Variants in EPHA6 observed in about 807,000 individuals in gnomAD.
EPHA6 encodes the protein ephrin type-A receptor 6.
EPHA6 carries 50 observed loss-of-function variants against 112.0 expected under a neutral mutation model. The ratio of observed to expected loss-of-function variants is 0.45; its 90% CI spans 0.36 to 0.56. The LOEUF (loss-of-function observed/expected upper bound fraction) is 0.56. Among genes scored for constraint, EPHA6 ranks in the 20% least tolerant of loss-of-function variants. The probability of loss-of-function intolerance (pLI) is 0.00; values close to 1 mark genes in which losing one functional copy is unlikely to be tolerated. For synonymous variants in EPHA6, 529 were observed against 490.7 expected (o/e 1.08, Z -1.03); for missense variants, 1,280 against 1,417.4 (o/e 0.90, Z 1.56).
At chr3:97,202,367 G>A (rs1249629508) in intron 3 of EPHA6, among the ~76,000 whole-genome samples, 1 of 137,268 alleles carries the variant, frequency 7.3e-6, no homozygotes, top group African/African-American at 2.8e-5. Flanking sequence ...TTTTTTTTTT[G>A]AGAGATGGAG....
At chr3:97,014,028 G>T (rs953405783) in intron 3 of EPHA6, among the ~76,000 whole-genome samples, 8 of 151,982 alleles carry the variant, frequency 5.3e-5, no homozygotes, top group Admixed American at 3.3e-4. Context: ...ATGCTGAATG[G>T]TGAATATTTT....
Position 97,604,995 on chromosome 3 carries a change from T to C in EPHA6, c.2513-5798T>C, listed in dbSNP as rs978461638. On this transcript the variant is annotated intron_variant, in intron 12 of 17. Transcript: ENST00000389672. Reference sequence around the variant, plus strand: ...TGACCTTATAGAGAAGAATTGGGCATTTAGTCCTGAGGTCAAAGCCACTTT... The same window carrying C: ...TGACCTTATAGAGAAGAATTGGGCACTTAGTCCTGAGGTCAAAGCCACTTT... 2.0e-5 allele frequency among the ~76,000 whole-genome samples: 3 copies of C among 151,498 alleles called. No homozygotes were observed. The Admixed American group carries it at 2.0e-4, about 10-fold the overall frequency.
chr3:97,550,045 A>G (rs1478226938), intron 11 of EPHA6, among the ~76,000 whole-genome samples: 4 of 152,144 alleles, frequency 2.6e-5, no homozygotes, highest in Non-Finnish European at 4.4e-5. Context: ...GCCAAAGCAA[A>G]TCTCCAGTAT....
In EPHA6 at chr3:97,758,438, C is replaced by A. The variant is rs1356043536; in HGVS notation, c.*9737C>A. On this transcript the variant is annotated 3_prime_UTR_variant, in exon 18 of 18. Transcript: ENST00000389672. ...TAATTCCTAAATTTTCATATATATACATATACTGACATACCTTTAAAATAT... is the reference window on the plus strand; with the variant it reads ...TAATTCCTAAATTTTCATATATATAAATATACTGACATACCTTTAAAATAT... 6.6e-6 allele frequency among the ~76,000 whole-genome samples: 1 copy of A among 151,868 alleles called. No individual in the cohort carries two copies. The highest frequency in any genetic ancestry group is 2.4e-5 in the African/African-American group (1 of 41,396).
intron 3 of EPHA6, among the ~76,000 whole-genome samples, chr3:97,218,771 T>A (rs1445863938): frequency 6.6e-6 from 1 of 152,148 alleles, no homozygotes; most frequent in African/African-American, 2.4e-5. Flanking sequence ...CCCCCAAAGT[T>A]GTAATTCATT....
rs78285781 is a variant in EPHA6 at position 97,550,549 on chromosome 3, A to T, written c.2386+18006A>T. 3.3e-5 allele frequency among the ~76,000 whole-genome samples: 5 copies of T among 152,216 alleles called. No homozygotes were observed. In the East Asian group the frequency reaches 9.6e-4, roughly 29 times the overall value. On this transcript the variant is annotated intron_variant, in intron 11 of 17. Coordinates refer to ENST00000389672, the MANE Select transcript of EPHA6 (RefSeq NM_001080448.3). ...TATGACCTGAGAAGGATCTTTGTTC[A>T]GGCTATTGCAGCAACCAAGGAAAAC...
intron 3 of EPHA6, among the ~76,000 whole-genome samples, chr3:97,173,770 G>A (rs557863417): frequency 6.6e-6 from 1 of 151,696 alleles, no homozygotes. Context: ...CATGTAAGAG[G>A]TGTATATAGT....
chr3:97,518,934 C>T (rs1459092339), intron 10 of EPHA6, among the ~76,000 whole-genome samples: 1 of 151,810 alleles, frequency 6.6e-6, no homozygotes, highest in Admixed American at 6.6e-5. Flanking sequence ...ATATTTTCTC[C>T]CATTCAACAG....
At chr3:97,687,777 C>T (rs958009420) in intron 14 of EPHA6, among the ~76,000 whole-genome samples, 4 of 152,220 alleles carry the variant, frequency 2.6e-5, no homozygotes, top group Non-Finnish European at 5.9e-5. Context: ...ATGTGTGAGT[C>T]TGCAGGTCCA....
At chr3:97,384,242 C>T (rs1316590458) in intron 5 of EPHA6, among the ~76,000 whole-genome samples, 1 of 152,034 alleles carries the variant, frequency 6.6e-6, no homozygotes, top group Admixed American at 6.6e-5. Context: ...TCCTCACAAC[C>T]TGAATGTTGG....
At chr3:97,081,136 A>G (rs1039233763) in intron 3 of EPHA6, among the ~76,000 whole-genome samples, 3 of 151,856 alleles carry the variant, frequency 2.0e-5, no homozygotes, top group African/African-American at 7.2e-5. Context: ...AAGATGTAAC[A>G]AGCAGAATTC....
chr3:97,226,193 A>G (rs1334080342), intron 3 of EPHA6, 71 bp from the exon 4 acceptor site: 1 of 1,252,058 alleles, frequency 8.0e-7, no homozygotes, highest in Non-Finnish European at 1.1e-6. Flanking sequence ...AAATTAAAGT[A>G]TGTTGTACAT....
intron 3 of EPHA6, among the ~76,000 whole-genome samples, chr3:97,055,847 T>C (rs1432257388): frequency 6.6e-6 from 1 of 152,114 alleles, no homozygotes; most frequent in Non-Finnish European, 1.5e-5. Flanking sequence ...ACCTAAAAAA[T>C]ATAGCAAAGG....
chr3:97,012,437 T>C (rs759282291), intron 3 of EPHA6, among the ~76,000 whole-genome samples: 3 of 151,090 alleles, frequency 2.0e-5, no homozygotes, highest in Non-Finnish European at 4.4e-5. Context: ...GATCCTCCCA[T>C]CTCAGCCTCC....
intron 3 of EPHA6, among the ~76,000 whole-genome samples, chr3:97,150,933 C>A (rs990947413): frequency 6.6e-6 from 1 of 152,050 alleles, no homozygotes; most frequent in Non-Finnish European, 1.5e-5. Flanking sequence ...AATTAATTCA[C>A]TAATTCATTC....
At chr3:96,840,405 C>G (rs941527567) in intron 1 of EPHA6, among the ~76,000 whole-genome samples, 1 of 152,092 alleles carries the variant, frequency 6.6e-6, no homozygotes, top group Non-Finnish European at 1.5e-5. Flanking sequence ...AGATTTCACA[C>G]AGGTGCCGTT....
intron 5 of EPHA6, among the ~76,000 whole-genome samples, chr3:97,365,416 G>A (rs753840811): frequency 8.6e-5 from 13 of 151,494 alleles, no homozygotes; most frequent in Middle Eastern, 3.4e-3. Context: ...TTTGAGATGG[G>A]AGTCTCACTC....
chr3:97,202,560 C>T (rs1357998909), intron 3 of EPHA6, among the ~76,000 whole-genome samples: 4 of 152,060 alleles, frequency 2.6e-5, no homozygotes, highest in Non-Finnish European at 5.9e-5. Flanking sequence ...TCTTGAACTC[C>T]TGACCTCAAG....
At chr3:97,487,543 A>G (rs573639784) in intron 10 of EPHA6, among the ~76,000 whole-genome samples, 1 of 152,308 alleles carries the variant, frequency 6.6e-6, no homozygotes, top group Admixed American at 6.5e-5. Context: ...CTTTGTCCTG[A>G]GATTTTCAAC....
Sources: gnomAD v4.1 joint callset for allele counts (sites outside exome capture counted in the v4.1 genomes callset) on GRCh38, gnomAD v4.1.1 for gene constraint, MANE v1.5 for transcripts, NCBI Gene and HGNC (gene_info 2026-07-23, HGNC 2026-07-21) for gene names.